The following KTN1 variants were observed in gnomAD, a reference collection of about 807,000 sequenced individuals.
KTN1 encodes kinectin 1.
In KTN1, 130 loss-of-function variants were observed where a neutral mutation model predicts 222.5. The ratio of observed to expected loss-of-function variants is 0.58; its 90% CI spans 0.51 to 0.68. The LOEUF (loss-of-function observed/expected upper bound fraction) is 0.68, where lower values mean the gene tolerates loss of function less well. Ranked by LOEUF, KTN1 falls within the 30% of genes least tolerant of loss-of-function variation. The pLI, the probability that KTN1 is intolerant of heterozygous loss-of-function variation, is 0.00. For missense variants in KTN1, 1,508 were observed against 1,500.4 expected (o/e 1.01, Z -0.08); for synonymous variants, 512 against 496.3 (o/e 1.03, Z -0.42).
intron 41 of KTN1, among the ~76,000 whole-genome samples, chr14:55,676,990 G>A (rs1199336413): frequency 6.6e-6 from 1 of 152,062 alleles, no homozygotes; most frequent in African/African-American, 2.4e-5. Context: ...ATGGAATTTA[G>A]CCTAGCAATG....
At chr14:55,667,905 CT>C (rs34626939) in intron 34 of KTN1, 33,835 of 143,020 alleles carry the variant, frequency 0.24, 3,963 homozygotes, top group East Asian at 0.34. Flanking sequence ...AGTGTAGGGT[CT>C]TTTTTTTTTT....
At chr14:55,641,076 T>C (rs1292833137) in intron 16 of KTN1, 51 bp from the exon 17 acceptor site, 2 of 1,483,554 alleles carry the variant, frequency 1.3e-6, no homozygotes, top group Non-Finnish European at 1.9e-6. Flanking sequence ...ATAATTCTTG[T>C]AGATTTTCTG....
chr14:55,672,125 C>A, intron 37 of KTN1: 1 of 396,344 alleles, frequency 2.5e-6, no homozygotes, highest in East Asian at 4.4e-5. Flanking sequence ...ATGCTAGTTA[C>A]AGAACTATTG....
rs17128605 is a variant in KTN1, at chr14:55,594,963, G to T, written c.-31+14609G>T. ...GCTTTCTGGAGTTCAGAGTTACCTTGCATTCAGTCTGCACTTAAGTTGTCT... is the reference window on the plus strand; with the variant it reads ...GCTTTCTGGAGTTCAGAGTTACCTTTCATTCAGTCTGCACTTAAGTTGTCT... On this transcript the variant is annotated intron_variant, in intron 1 of 43. Coordinates refer to ENST00000395314, the MANE Select transcript of KTN1 (RefSeq NM_001079521.2). Among the ~76,000 whole-genome samples the T allele has an allele frequency of 3.2e-3, 485 of 152,248 alleles. 9 individuals carry two copies. The highest frequency in any genetic ancestry group is 0.022 in the Admixed American group (333 of 15,298).
rs1164937758 is a variant in KTN1, at chr14:55,663,114, T to G, written c.3091-841T>G. On this transcript the variant is annotated intron_variant, in intron 32 of 43. Transcript: ENST00000395314. Reference sequence around the variant, plus strand: ...AATGGGAATAAATACCTCATGGGGTTGTTGTAACGGTGAGAATTTGTGAAC... The same window carrying G: ...AATGGGAATAAATACCTCATGGGGTGGTTGTAACGGTGAGAATTTGTGAAC... 1.1e-5 allele frequency: 4 copies of G among 364,936 alleles called. No individual in the cohort carries two copies. In the East Asian group the frequency reaches 2.2e-4, roughly 20 times the overall value. 22.6% of individuals were successfully genotyped at this position (364,936 alleles called of 1,614,324 possible). A position where few individuals can be genotyped will look rare whatever the true frequency, so the allele number is the denominator to read the frequency against.
intron 18 of KTN1, among the ~76,000 whole-genome samples, chr14:55,646,430 C>T (rs1287911086): frequency 1.7e-5 from 2 of 118,348 alleles, no homozygotes; most frequent in Non-Finnish European, 3.6e-5. Context: ...TTCTTTCCTT[C>T]CTTTCCTTTC....
intron 15 of KTN1, 151 bp from the exon 16 acceptor site, chr14:55,640,782 C>T (rs1288194896): frequency 6.1e-6 from 4 of 657,802 alleles, no homozygotes; most frequent in Admixed American, 3.1e-5. Flanking sequence ...TAAAAAATAT[C>T]GAACAGCAAA....
In KTN1 at chr14:55,617,988, A is replaced by G. The variant is rs750949861; in HGVS notation, c.686A>G (p.His229Arg). The G allele has an allele frequency of 6.9e-6, 11 of 1,596,454 alleles. No individual in the cohort carries two copies. The highest frequency in any genetic ancestry group is 9.4e-6 in the Non-Finnish European group (11 of 1,173,522). ...ENVFVDEPLI[H>R]ATTYIPLMDN... ...GTCTTCGTAGATGAACCCCTTATTC[A>G]TGCAACTACTTATATTCCTTTGATG... is the stretch of plus-strand genomic sequence containing the variant. Residue 229 changes from histidine to arginine, a missense_variant, in exon 4 of 44, where the codon CAT becomes CGT. By Grantham distance (29) the His-to-Arg change is conservative. Coordinates refer to ENST00000395314, the MANE Select transcript of KTN1 (RefSeq NM_001079521.2).
chr14:55,640,162 C>T (rs187592959), intron 14 of KTN1, among the ~76,000 whole-genome samples, 159 bp downstream of exon 14: 22 of 151,800 alleles, frequency 1.4e-4, no homozygotes, highest in African/African-American at 4.8e-4. Context: ...TAGCTCTCTA[C>T]GAGGAAAAAT....
At chr14:55,628,520 A>G (rs536559035) in intron 6 of KTN1, among the ~76,000 whole-genome samples, 1 of 152,366 alleles carries the variant, frequency 6.6e-6, no homozygotes, top group East Asian at 1.9e-4. Flanking sequence ...TCTTTAAAAC[A>G]TCATGAAACT....
In KTN1 at chr14:55,619,201, T is replaced by C; in HGVS notation, c.852T>C (p.Phe284=). The change falls in exon 5 of 44, where the codon TTT becomes TTC. Residue 284 remains phenylalanine, a synonymous_variant. Coordinates refer to ENST00000395314, the MANE Select transcript of KTN1 (RefSeq NM_001079521.2). The part of the protein sequence containing the change: ...ETDKENAEVK[F]KDFLLSLKTM... ...ATTAAGAAAATGCTGAAGTGAAGTT[T>C]AAAGATTTTCTTCTGTCCTTGAAGA... 6.2e-7 allele frequency: 1 copy of C among 1,607,270 alleles called. No individual in the cohort carries two copies. Among genetic ancestry groups the C allele is most frequent in the Non-Finnish European group, 8.5e-7 (1 of 1,175,072 alleles).
In KTN1 at chr14:55,671,551, T is replaced by C. The variant is rs754500646; in HGVS notation, c.3349-15T>C. On this transcript the variant is annotated splice_polypyrimidine_tract_variant and intron_variant, in intron 35 of 43. Transcript: ENST00000395314. The stretch of plus-strand genomic sequence containing the variant: ...GGTAGAATTATGGAGTTTTTCTTTA[T>C]TTCGTTCTTTGCAGGTTCTAGAGCA... 6.3e-6 allele frequency: 10 copies of C among 1,592,550 alleles called. No individual in the cohort carries two copies. The highest frequency in any genetic ancestry group is 8.6e-6 in the Non-Finnish European group (10 of 1,168,474).
At chr14:55,593,555 A>G (rs1211653380) in intron 1 of KTN1, among the ~76,000 whole-genome samples, 1 of 151,884 alleles carries the variant, frequency 6.6e-6, no homozygotes, top group African/African-American at 2.4e-5. Context: ...CTTCCCAACT[A>G]AAAGTTCTAA....
intron 18 of KTN1, among the ~76,000 whole-genome samples, chr14:55,646,460 T>TTTTCCCTTTCCTTTCCTTTCC (rs1566788057): frequency 2.4e-4 from 12 of 48,980 alleles, no homozygotes; most frequent in South Asian, 1.6e-3. Context: ...TTCCTTTTCC[T>TTTTCCCTTTCCTTTCCTTTCC]TTTCCTTTCC....
At chr14:55,652,600 C>G (rs778712928) in intron 25 of KTN1, among the ~76,000 whole-genome samples, 7 of 151,992 alleles carry the variant, frequency 4.6e-5, no homozygotes, top group East Asian at 1.9e-4. Flanking sequence ...GGGGTTTCAC[C>G]GTGTTAGCCA....
chr14:55,590,555 T>G (rs530426905), intron 1 of KTN1, among the ~76,000 whole-genome samples: 3 of 152,202 alleles, frequency 2.0e-5, no homozygotes, highest in Non-Finnish European at 4.4e-5. Context: ...TTTCTTTTAG[T>G]TTTGCCAGAT....
At position 55,649,766 on chromosome 14, in the gene KTN1, C is replaced by G. The variant is rs1326344971; in HGVS notation, c.2368-10C>G. 2.7e-6 allele frequency: 4 copies of G among 1,468,360 alleles called. No individual in the cohort carries two copies. The highest frequency in any genetic ancestry group is 3.8e-6 in the Non-Finnish European group (4 of 1,060,652). The allele number at this position is 1,468,360 out of a possible 1,614,324, so 91.0% of individuals were successfully genotyped here. ...ACAAATTACTAAGTAGGATACTTTC[C>G]TATTTCCAGGTTTCTTTTGCCTCTC... On this transcript the variant is annotated splice_polypyrimidine_tract_variant and intron_variant, in intron 21 of 43. Coordinates refer to ENST00000395314, the MANE Select transcript of KTN1 (RefSeq NM_001079521.2).
At position 55,641,139 on chromosome 14, in the gene KTN1, A is replaced by C; in HGVS notation, c.2034A>C (p.Lys678Asn). ...TTCACCCTCATAGTGTTTATGTTAAAGATGATAAAATAAGATTGCTGGAAG... is the reference window on the plus strand; with the variant it reads ...TTCACCCTCATAGTGTTTATGTTAACGATGATAAAATAAGATTGCTGGAAG... ...LEKMQQSVYVKDDKIRLLEEQ... is the reference protein window; with the variant it reads ...LEKMQQSVYVNDDKIRLLEEQ... Residue 678 changes from lysine (K) to asparagine (N), a missense_variant, in exon 17 of 44, where the codon AAA (lysine) becomes AAC (asparagine). Coordinates refer to ENST00000395314, the MANE Select transcript of KTN1 (RefSeq NM_001079521.2). The C allele has an allele frequency of 6.3e-7, 1 of 1,585,194 alleles. No homozygotes were observed. The highest frequency in any genetic ancestry group is 8.6e-7 in the Non-Finnish European group (1 of 1,165,118).
intron 1 of KTN1, among the ~76,000 whole-genome samples, chr14:55,590,777 G>A (rs2140355470): frequency 6.6e-6 from 1 of 152,050 alleles, no homozygotes; most frequent in East Asian, 1.9e-4. Flanking sequence ...CTAGGTTCAA[G>A]CGATTTTCCT....
Sources: gnomAD v4.1 joint callset for allele counts (sites outside exome capture counted in the v4.1 genomes callset) on GRCh38, gnomAD v4.1.1 for gene constraint, MANE v1.5 for transcripts, NCBI Gene and HGNC (gene_info 2026-07-23, HGNC 2026-07-21) for gene names.